RUVBL1: variants seen among roughly 807,000 people sequenced by gnomAD.
RUVBL1 encodes the protein RuvB like AAA ATPase 1.
A neutral mutation model predicts 52.4 loss-of-function variants in RUVBL1; 4 were observed. The observed-to-expected ratio is 0.08, with a 90% CI of 0.04 to 0.17. RUVBL1 has a LOEUF of 0.17. Ranked by LOEUF, RUVBL1 falls within the 10% of genes least tolerant of loss-of-function variation. The probability of loss-of-function intolerance (pLI) is 1.00; values close to 1 mark genes in which losing one functional copy is unlikely to be tolerated. For missense variants in RUVBL1, 298 were observed against 572.8 expected (o/e 0.52, Z 4.90); for synonymous variants, 217 against 214.4 (o/e 1.01, Z -0.10).
At chr3:128,130,249 G>A (rs189845694) in intron 1 of RUVBL1, among the ~76,000 whole-genome samples, 57 of 152,060 alleles carry the variant, frequency 3.7e-4, no homozygotes, top group Admixed American at 2.2e-3. Context: ...GAATATAAGC[G>A]AATACTGTAA....
At chr3:128,095,264 G>T (rs923313432) in intron 8 of RUVBL1, among the ~76,000 whole-genome samples, 2 of 152,236 alleles carry the variant, frequency 1.3e-5, no homozygotes, top group Non-Finnish European at 2.9e-5. Context: ...GGTATGGGCT[G>T]GGCTGGGTTC....
exon 10 of RUVBL1, chr3:128,065,107 T>A (rs778718947): frequency 4.1e-5 from 61 of 1,480,756 alleles, no homozygotes; most frequent in Non-Finnish European, 5.6e-5. Context: ...TTGTGTGCAG[T>A]CCCCCACTCT....
chr3:128,069,759 A>G (rs1942101308), intron 9 of RUVBL1: 6 of 1,004,670 alleles, frequency 6.0e-6, no homozygotes, highest in Non-Finnish European at 1.5e-6. Context: ...TGGACTTTTA[A>G]TAATGTTTTT....
intron 3 of RUVBL1, among the ~76,000 whole-genome samples, chr3:128,105,361 C>T (rs1943207875): frequency 6.6e-6 from 1 of 152,032 alleles, no homozygotes; most frequent in South Asian, 2.1e-4. Flanking sequence ...ACCTCATGAT[C>T]TACCCTCCTC....
At chr3:128,128,688 T>C (rs966464457), upstream of RUVBL1, among the ~76,000 whole-genome samples, 1 of 152,224 alleles carries the variant, frequency 6.6e-6, no homozygotes, top group Non-Finnish European at 1.5e-5. Context: ...GGCTGAGAAA[T>C]GTAGTCTTAC....
At chr3:128,100,552 A>G (rs771276422) in intron 6 of RUVBL1, 43 bp downstream of exon 6, 1 of 1,551,568 alleles carries the variant, frequency 6.4e-7, no homozygotes, top group Non-Finnish European at 8.7e-7. Context: ...ACACACATAC[A>G]AAAGGGCTAA....
intron 3 of RUVBL1, among the ~76,000 whole-genome samples, chr3:128,106,678 T>C (rs1453617698): frequency 6.6e-6 from 1 of 152,194 alleles, no homozygotes; most frequent in Non-Finnish European, 1.5e-5. Flanking sequence ...GGGTTGTCAT[T>C]AGGCACATCA....
chr3:128,090,771 C>T (rs1942814099), intron 8 of RUVBL1, among the ~76,000 whole-genome samples: 2 of 151,972 alleles, frequency 1.3e-5, no homozygotes, highest in South Asian at 4.1e-4. Context: ...TCTATTTAGG[C>T]CATAAGTGTT....
chr3:128,067,255 T>C lies in RUVBL1; in HGVS notation c.940-2035A>G, dbSNP rs79089313. 173 of 1,344,768 alleles carry C rather than the reference T, an allele frequency of 1.3e-4. 2 individuals are homozygous for C. In the East Asian group the frequency reaches 3.8e-3, roughly 29 times the overall value. The allele number at this position is 1,344,768 out of a possible 1,614,324, so 83.3% of individuals were successfully genotyped here. ...ATATTTCATCCAAAGATATTTTCCA[T>C]TGTGCCTTTTACAAATTCAGCACAT... On this transcript the variant is annotated intron_variant, in intron 9 of 9. Transcript: ENST00000464873. This position sits in a 1 kb window ranked among gnomAD's most constrained non-coding sequence, Gnocchi z 4.1.
intron 1 of RUVBL1, chr3:128,153,086 A>C (rs1260680723): frequency 2.6e-6 from 1 of 389,140 alleles, no homozygotes; most frequent in Non-Finnish European, 3.4e-6. Context: ...TTCTTTTAGG[A>C]TCCTGCTGAT....
chr3:128,138,750 C>T (rs1379089287), intron 1 of RUVBL1, among the ~76,000 whole-genome samples: 1 of 152,024 alleles, frequency 6.6e-6, no homozygotes, highest in African/African-American at 2.4e-5. Context: ...CAAAGCCATC[C>T]TGAGCAAAAA....
chr3:128,126,106 G>A (rs1377903598), upstream of RUVBL1, among the ~76,000 whole-genome samples: 4 of 152,172 alleles, frequency 2.6e-5, no homozygotes, highest in Admixed American at 2.0e-4. Flanking sequence ...CCCAGCAGTT[G>A]TGGAATCCTT....
At chr3:128,083,408 C>G (rs1942540363) in intron 9 of RUVBL1, 1 of 152,230 alleles carries the variant, frequency 6.6e-6, no homozygotes, top group African/African-American at 2.4e-5. Flanking sequence ...GGCACAGGAG[C>G]TGGGAAAGAC....
intron 8 of RUVBL1, among the ~76,000 whole-genome samples, chr3:128,090,778 T>C (rs1300172300): frequency 6.6e-6 from 1 of 152,228 alleles, no homozygotes; most frequent in Non-Finnish European, 1.5e-5. Context: ...AGGCCATAAG[T>C]GTTTTTTAAG....
At chr3:128,143,176 T>C (rs1246361450) in intron 1 of RUVBL1, among the ~76,000 whole-genome samples, 2 of 137,576 alleles carry the variant, frequency 1.5e-5, no homozygotes, top group South Asian at 4.6e-4. Flanking sequence ...CTTATCTATT[T>C]TTTTTTTTTT....
intron 1 of RUVBL1, among the ~76,000 whole-genome samples, chr3:128,129,580 G>C (rs891900314): frequency 6.6e-6 from 1 of 152,106 alleles, no homozygotes; most frequent in African/African-American, 2.4e-5. Flanking sequence ...ATAAAGATTA[G>C]AGAATAGCAG....
rs758640768 is a variant in RUVBL1 at position 128,065,732 on chromosome 3, A to AT, written c.940-513dup. Among the ~76,000 whole-genome samples, 385 of 97,474 alleles carry AT rather than the reference A, an allele frequency of 3.9e-3. 17 individuals are homozygous for AT. Among genetic ancestry groups the AT allele is most frequent in the African/African-American group, 0.01 (251 of 24,122 alleles). 63.9% of individuals were successfully genotyped at this position (97,474 alleles called of 152,430 possible). A position where few individuals can be genotyped will look rare whatever the true frequency, so the allele number is the denominator to read the frequency against. ...AGAATTTGCAGTCAGATCATTAAGA[A>AT]TTTTTTTTTTTTTTTTTTTTTTGAG... On this transcript the variant is annotated intron_variant, in intron 9 of 9. Coordinates refer to the RUVBL1 transcript ENST00000464873.
chr3:128,116,335 GT>G (rs1943521328), intron 2 of RUVBL1, among the ~76,000 whole-genome samples: 1 of 152,026 alleles, frequency 6.6e-6, no homozygotes, highest in South Asian at 2.1e-4. Flanking sequence ...AAAGTCAGGA[GT>G]TCGAGACCAG....
chr3:128,116,366 C>T (rs1943522248), intron 2 of RUVBL1, among the ~76,000 whole-genome samples: 1 of 151,580 alleles, frequency 6.6e-6, no homozygotes, highest in Admixed American at 6.6e-5. Flanking sequence ...CATGATGAAA[C>T]CCCATCTCCA....
Sources: allele counts gnomAD v4.1 joint callset (sites outside exome capture counted in the v4.1 genomes callset), GRCh38; gene constraint gnomAD v4.1.1; non-coding constraint Gnocchi (gnomAD v3.1); transcripts MANE v1.5; gene names NCBI Gene and HGNC (gene_info 2026-07-23, HGNC 2026-07-21).